Variants in COX15 observed in about 807,000 individuals in gnomAD.
COX15 encodes the protein cytochrome c oxidase assembly factor COX15, also known as heme A synthase COX15.
Under a neutral mutation model 51.9 loss-of-function variants are expected in COX15, and 51 were observed. The observed-to-expected ratio is 0.98, with a 90% CI of 0.78 to 1.24. The LOEUF is 1.24. Ranked by LOEUF, COX15 falls within the 50% of genes most tolerant of loss-of-function variation. The probability of loss-of-function intolerance (pLI) is 0.00; values close to 1 mark genes in which losing one functional copy is unlikely to be tolerated. For missense variants in COX15, 420 were observed against 501.1 expected, an observed-to-expected ratio of 0.84 and a Z score of 1.55; for synonymous variants, 188 against 190.5, an observed-to-expected ratio of 0.99 and a Z score of 0.11.
the COX15 span, chr10:99,704,395 G>A: frequency 1.9e-6 from 3 of 1,551,382 alleles, no homozygotes; most frequent in East Asian, 2.2e-5. Context: ...ATCAGTAAAT[G>A]TCTCCCTTTG....
chr10:99,720,740 T>C (rs1362678993), intron 6 of COX15, among the ~76,000 whole-genome samples: 1 of 152,166 alleles, frequency 6.6e-6, no homozygotes, highest in Non-Finnish European at 1.5e-5. Context: ...TCACAGGTAG[T>C]GAAGCCAGGA....
the COX15 span, among the ~76,000 whole-genome samples, chr10:99,694,546 T>TG: frequency 1.3e-5 from 2 of 150,840 alleles, no homozygotes; most frequent in Admixed American, 6.6e-5. Context: ...TTGTTTTTTT[T>TG]TTTTTTTGAG....
downstream of COX15, chr10:99,708,825 C>CCAACTACTTTG (rs2036302206): frequency 1.0e-6 from 1 of 985,308 alleles, no homozygotes; most frequent in Non-Finnish European, 1.2e-6. Flanking sequence ...GCCTCCTAGC[C>CCAACTACTTTG]CAACTACTTT....
Position 99,710,992 on chromosome 10 carries a change from T to C in COX15, c.*3595A>G. The C allele has an allele frequency of 3.0e-6, 3 of 985,286 alleles. No homozygotes were observed. The highest frequency in any genetic ancestry group is 4.7e-5 in the South Asian group (1 of 21,290). The allele number at this position is 985,286 out of a possible 1,614,324, so 61.0% of individuals were successfully genotyped here. A position where few individuals can be genotyped will look rare whatever the true frequency, so the allele number is the denominator to read the frequency against. On this transcript the variant is annotated 3_prime_UTR_variant, in exon 9 of 9. Coordinates refer to ENST00000016171, the MANE Select transcript of COX15 (RefSeq NM_078470.6). ...TATAGGTATGTGATGACTTGTTTTT[T>C]TGGAAAAAGGTATTTGGAACATCAA...
chr10:99,709,766 C>T (rs1296184859), downstream of COX15: 2 of 985,294 alleles, frequency 2.0e-6, no homozygotes, highest in Non-Finnish European at 2.4e-6. Flanking sequence ...TCCTAATAGA[C>T]TTCTCTTGTG....
At chr10:99,722,662 G>A (rs758755554) in intron 5 of COX15, among the ~76,000 whole-genome samples, 8 of 151,922 alleles carry the variant, frequency 5.3e-5, no homozygotes, top group Non-Finnish European at 1.0e-4. Flanking sequence ...GTGAAACCCT[G>A]TCTCTACTAA....
In COX15 at chr10:99,729,695, T is replaced by C; in HGVS notation, c.130A>G (p.Ser44Gly). The C allele has an allele frequency of 6.2e-7, 1 of 1,614,182 alleles. No individual in the cohort carries two copies. Among genetic ancestry groups the C allele is most frequent in the Non-Finnish European group, 8.5e-7 (1 of 1,180,044 alleles). ...TGCAAAGCTACTTCAGAGATGGTGC[T>C]GTATTGCCCTGGCCTCAAAGGGCGC... is the stretch of plus-strand genomic sequence containing the variant. ...IRRPLRPGQY[S>G]TISEVALQSG... The change falls in exon 2 of 9, where the codon AGC (serine) becomes GGC (glycine). Residue 44 changes from serine to glycine, a missense_variant. Transcript: ENST00000016171.
downstream of COX15, among the ~76,000 whole-genome samples, chr10:99,708,510 G>A (rs1029165345): frequency 1.4e-4 from 21 of 152,078 alleles, no homozygotes; most frequent in East Asian, 1.4e-3. Flanking sequence ...TCTCTGGTTC[G>A]GTTCTCATCT....
At position 99,729,750 on chromosome 10, in the gene COX15, G is replaced by A. The variant is rs1325726512; in HGVS notation, c.91-16C>T. The A allele has an allele frequency of 6.2e-7, 1 of 1,613,614 alleles. No homozygotes were observed. The highest frequency in any genetic ancestry group is 1.1e-5 in the South Asian group (1 of 91,068). ...TGCAATCACACTAAAGATCAAGATAGACAAATTACAACTGGAGAAACAGGG... is the reference window on the plus strand; with the variant it reads ...TGCAATCACACTAAAGATCAAGATAAACAAATTACAACTGGAGAAACAGGG... On this transcript the variant is annotated splice_polypyrimidine_tract_variant and intron_variant, in intron 1 of 8. Coordinates refer to ENST00000016171, the MANE Select transcript of COX15 (RefSeq NM_078470.6).
At chr10:99,700,577 A>G in the COX15 span, among the ~76,000 whole-genome samples, 151 of 152,282 alleles carry the variant, frequency 9.9e-4, no homozygotes, top group African/African-American at 3.1e-3. Flanking sequence ...ACCAAAAGGA[A>G]TGATTATTTT....
At chr10:99,731,563 T>C (rs2037146744) in intron 1 of COX15, among the ~76,000 whole-genome samples, 1 of 152,188 alleles carries the variant, frequency 6.6e-6, no homozygotes, top group African/African-American at 2.4e-5. Flanking sequence ...TCAATTTCCT[T>C]CTCTGTAGGA....
intron 7 of COX15, 58 bp downstream of exon 7, chr10:99,718,288 C>G: frequency 1.3e-6 from 2 of 1,595,748 alleles, no homozygotes; most frequent in Non-Finnish European, 1.7e-6. Context: ...TCACTGACAC[C>G]CCAAAGCCTA....
chr10:99,720,902 C>T (rs1198167098), intron 6 of COX15, 85 bp downstream of exon 6: 12 of 987,938 alleles, frequency 1.2e-5, no homozygotes, highest in Middle Eastern at 2.0e-4. Flanking sequence ...TATAAAGATG[C>T]AGGAGGAAGG....
chr10:99,704,549 G>A, the COX15 span: 1 of 1,614,152 alleles, frequency 6.2e-7, no homozygotes, highest in Non-Finnish European at 8.5e-7. Flanking sequence ...TATCCTGGTG[G>A]TGCTACTGGC....
At chr10:99,703,172 G>T in the COX15 span, among the ~76,000 whole-genome samples, 4 of 152,286 alleles carry the variant, frequency 2.6e-5, no homozygotes, top group African/African-American at 7.2e-5. Context: ...TTTTAGTGGG[G>T]CTACTTTCAT....
chr10:99,696,498 C>T, the COX15 span, among the ~76,000 whole-genome samples: 2 of 152,200 alleles, frequency 1.3e-5, no homozygotes, highest in Non-Finnish European at 2.9e-5. Context: ...TGTTGAATTA[C>T]AGTGCAGTTG....
At position 99,714,118 on chromosome 10, in the gene COX15, T is replaced by G. The variant is rs941295040; in HGVS notation, c.*469A>C. On this transcript the variant is annotated 3_prime_UTR_variant, in exon 9 of 9. Coordinates refer to ENST00000016171, the MANE Select transcript of COX15 (RefSeq NM_078470.6). Reference sequence around the variant, plus strand: ...TCAGGATATTAGAAGACATTAGCTTTTTTTTTTTTGCTGAAGACCAGCTGG... The same window carrying G: ...TCAGGATATTAGAAGACATTAGCTTGTTTTTTTTTGCTGAAGACCAGCTGG... The G allele has an allele frequency of 1.9e-5, 19 of 997,880 alleles. No individual in the cohort carries two copies. The highest frequency in any genetic ancestry group is 2.3e-5 in the Non-Finnish European group (19 of 831,850). 61.8% of individuals were successfully genotyped at this position (997,880 alleles called of 1,614,324 possible). A position where few individuals can be genotyped will look rare whatever the true frequency, so the allele number is the denominator to read the frequency against.
In COX15 at chr10:99,718,434, C is replaced by T. The variant is rs2036643535; in HGVS notation, c.899G>A (p.Trp300Ter). The change falls in exon 7 of 9, where the codon TGG becomes TAG. Residue 300 changes from tryptophan (W) to a stop codon, truncating the protein, a stop_gained. Transcript: ENST00000016171. LOFTEE classifies it high-confidence loss of function. ...YNSFPKMGES[W>*]IPEDLFTFSP... ...GAAGGTAAAGAGGTCCTCCGGGATC[C>T]AGGATTCTCCCATTTTGGGAAAGGA... 1.9e-6 allele frequency: 3 copies of T among 1,613,978 alleles called. No individual in the cohort carries two copies. The highest frequency in any genetic ancestry group is 1.7e-6 in the Non-Finnish European group (2 of 1,180,034).
intron 1 of COX15, 56 bp downstream of exon 1, chr10:99,731,904 C>A (rs2037163261): frequency 4.5e-6 from 7 of 1,557,016 alleles, no homozygotes; most frequent in Middle Eastern, 1.7e-4. Context: ...ATCTTTATCC[C>A]GGCCCTTTCA....
Sources: allele counts gnomAD v4.1 joint callset (sites outside exome capture counted in the v4.1 genomes callset), GRCh38; gene constraint gnomAD v4.1.1; transcripts MANE v1.5; gene names NCBI Gene and HGNC (gene_info 2026-07-23, HGNC 2026-07-21).